The following IRAG1 variants were observed in gnomAD, a reference collection of about 807,000 sequenced individuals.
IRAG1 encodes the protein inositol 1,4,5-triphosphate receptor associated 1.
A neutral mutation model predicts 106.2 loss-of-function variants in IRAG1; 62 were observed. That is an observed-to-expected ratio of 0.58 (90% CI 0.48 to 0.72). The LOEUF is 0.72. IRAG1 is among the 30% of genes least tolerant of loss of function. The pLI is 0.00. For synonymous variants in IRAG1, 462 were observed against 443.9 expected (o/e 1.04, Z -0.51); for missense variants, 1,064 against 1,140.7 (o/e 0.93, Z 0.97).
At chr11:10,687,930 C>A in intron 1 of IRAG1, 5 of 394,430 alleles carry the variant, frequency 1.3e-5, no homozygotes, top group Non-Finnish European at 1.7e-5. Context: ...ACAGGTCGAG[C>A]ATTCCAAATC....
intron 2 of IRAG1, among the ~76,000 whole-genome samples, chr11:10,634,395 T>C (rs778598090): frequency 6.6e-6 from 1 of 152,208 alleles, no homozygotes; most frequent in Non-Finnish European, 1.5e-5. Flanking sequence ...CCAACTCACA[T>C]AGTTACCTTT....
intron 3 of IRAG1, among the ~76,000 whole-genome samples, chr11:10,633,323 C>A (rs1468821826): frequency 1.3e-5 from 2 of 152,180 alleles, no homozygotes; most frequent in Non-Finnish European, 2.9e-5. Flanking sequence ...GATTCACCCG[C>A]CTTGGCCTCC....
At position 10,588,237 on chromosome 11, in the gene IRAG1, C is replaced by T. The variant is rs549932315; in HGVS notation, c.2240+3311G>A. On this transcript the variant is annotated intron_variant, in intron 18 of 20. Transcript: ENST00000423302. ...ATCATCATTCCTTGAATACTCCATA[C>T]TTTGTCACATGGACAAAGCCTGGAA... is the stretch of plus-strand genomic sequence containing the variant. Among the ~76,000 whole-genome samples the T allele has an allele frequency of 4.6e-5, 7 of 152,354 alleles. 1 individual carries two copies. In the South Asian group the frequency reaches 1.4e-3, roughly 32 times the overall value.
chr11:10,692,905 A>C (rs866379479), intron 1 of IRAG1, among the ~76,000 whole-genome samples: 1 of 152,212 alleles, frequency 6.6e-6, no homozygotes, highest in Non-Finnish European at 1.5e-5. Context: ...GGAGCCCTGG[A>C]GGTGAGCAGG....
In IRAG1 at chr11:10,677,814, GA is replaced by G. The variant is rs555878382; in HGVS notation, c.67+15721del. Among the ~76,000 whole-genome samples, 28 of 152,266 alleles carry G rather than the reference GA, an allele frequency of 1.8e-4. No individual in the cohort carries two copies. The East Asian group carries it at 5.4e-3, about 29-fold the overall frequency. On this transcript the variant is annotated intron_variant, in intron 1 of 20. Transcript: ENST00000423302. Reference sequence around the variant, plus strand: ...CTTTCTGGCAGGCCCTGCCAACCACGAATCTGCTTTCTGTCCCTGTGGCTTT... The same window carrying G: ...CTTTCTGGCAGGCCCTGCCAACCACGATCTGCTTTCTGTCCCTGTGGCTTT...
intron 15 of IRAG1, 51 bp downstream of exon 15, chr11:10,600,867 T>G (rs1853919856): frequency 6.2e-7 from 1 of 1,609,690 alleles, no homozygotes; most frequent in South Asian, 1.1e-5. Flanking sequence ...CCAAGAGCTC[T>G]TGGAAGTCCA....
chr11:10,655,208 G>A (rs2134942131), intron 1 of IRAG1, among the ~76,000 whole-genome samples: 1 of 152,278 alleles, frequency 6.6e-6, no homozygotes, highest in Admixed American at 6.5e-5. Context: ...AACATGGGAG[G>A]TGACTATTCC....
chr11:10,691,991 T>C (rs532109668), intron 1 of IRAG1, among the ~76,000 whole-genome samples: 102 of 152,352 alleles, frequency 6.7e-4, no homozygotes, highest in Non-Finnish European at 1.3e-3. Flanking sequence ...AGGGGAACAG[T>C]GTTCAATACA....
chr11:10,606,706 G>C (rs184963582), intron 12 of IRAG1, 36 bp downstream of exon 12: 3 of 1,579,366 alleles, frequency 1.9e-6, no homozygotes, highest in South Asian at 1.2e-5. Flanking sequence ...AGTCAAGCAC[G>C]GGCACTAAAT....
At chr11:10,669,082 T>G (rs1306324557) in intron 1 of IRAG1, among the ~76,000 whole-genome samples, 2 of 152,192 alleles carry the variant, frequency 1.3e-5, no homozygotes, top group Non-Finnish European at 2.9e-5. Context: ...GGTCTAATGG[T>G]CCCCATGGTC....
Position 10,652,255 on chromosome 11 carries a change from C to A in IRAG1, c.68-73G>T, listed in dbSNP as rs1196905532. 11 of 1,583,004 alleles carry A rather than the reference C, an allele frequency of 6.9e-6. No individual in the cohort carries two copies. In the South Asian group the frequency reaches 1.3e-4, roughly 18 times the overall value. On this transcript the variant is annotated intron_variant, in intron 1 of 20. Transcript: ENST00000423302. ...CCAAGCTGGGTTCCATTTCCCGGAGCCACAAGCCACAGTGAGAGCCGGCTT... is the reference window on the plus strand; with the variant it reads ...CCAAGCTGGGTTCCATTTCCCGGAGACACAAGCCACAGTGAGAGCCGGCTT...
rs377662550 is a variant in IRAG1, at chr11:10,604,561, G to C, written c.1603-16C>G. ...CAAACACGTTCTGTTGGGAACAAGGGTGTGAGAGAGGTGCTGGGAGGAGTT... is the reference window on the plus strand; with the variant it reads ...CAAACACGTTCTGTTGGGAACAAGGCTGTGAGAGAGGTGCTGGGAGGAGTT... On this transcript the variant is annotated splice_polypyrimidine_tract_variant and intron_variant, in intron 12 of 20. Coordinates refer to ENST00000423302, the MANE Select transcript of IRAG1 (RefSeq NM_130385.4). 1 of 1,613,990 alleles carries C rather than the reference G, an allele frequency of 6.2e-7. No homozygotes were observed. Among genetic ancestry groups the C allele is most frequent in the South Asian group, 1.1e-5 (1 of 91,084 alleles).
intron 2 of IRAG1, among the ~76,000 whole-genome samples, chr11:10,635,517 C>T (rs1040424254): frequency 5.9e-5 from 9 of 152,200 alleles, no homozygotes; most frequent in African/African-American, 1.2e-4. Flanking sequence ...GCCCCACTGG[C>T]GGTGGGAGCT....
At chr11:10,631,627 A>G (rs1178437477) in intron 4 of IRAG1, among the ~76,000 whole-genome samples, 1 of 152,168 alleles carries the variant, frequency 6.6e-6, no homozygotes, top group Non-Finnish European at 1.5e-5. Flanking sequence ...TCTGGGGATG[A>G]GCAGATGACC....
rs1239246992 is a variant in IRAG1 at position 10,594,171 on chromosome 11, C to T, written c.2042G>A (p.Arg681Gln). ...PSEDGVPRTA[R>Q]SMSLTLGKNM... is the part of the protein sequence containing the mutation. ...CTTTCCCAGCGTGAGGGACATGGAC[C>T]GTGCCGTGCGAGGGACCCCATCTTC... is the stretch of plus-strand genomic sequence containing the variant. Residue 681 changes from arginine (R) to glutamine (Q), a missense_variant, in exon 16 of 21, where the codon CGG becomes CAG. Arg to Gln is a conservative substitution (Grantham distance 43). Transcript: ENST00000423302. 2 of 1,610,224 alleles carry T rather than the reference C, an allele frequency of 1.2e-6. No individual in the cohort carries two copies. The highest frequency in any genetic ancestry group is 8.5e-7 in the Non-Finnish European group (1 of 1,178,468).
chr11:10,646,086 T>C (rs1189112362), intron 2 of IRAG1, among the ~76,000 whole-genome samples: 1 of 152,224 alleles, frequency 6.6e-6, no homozygotes, highest in African/African-American at 2.4e-5. Context: ...ATGCTGCTTA[T>C]ACCTTACATT....
intron 1 of IRAG1, among the ~76,000 whole-genome samples, chr11:10,664,451 G>T (rs1859640318): frequency 1.3e-5 from 2 of 152,202 alleles, no homozygotes; most frequent in South Asian, 4.1e-4. Flanking sequence ...GGCCTTGTGG[G>T]GAGTGAAGAG....
rs146353899 is a variant in IRAG1, at chr11:10,628,890, G to C, written c.575-62C>G. On this transcript the variant is annotated intron_variant, in intron 5 of 20. Transcript: ENST00000423302. The surrounding 1 kb of genome is among the most constrained non-coding windows in gnomAD (Gnocchi z 4.1). ...AGGTTTAGGACTTCAACCTGGCAAA[G>C]GCATCCTTTTAGGTATTCCCAGGCC... The C allele has an allele frequency of 2.7e-4, 400 of 1,480,662 alleles. No individual in the cohort carries two copies. In the African/African-American group the frequency reaches 5.1e-3, roughly 19 times the overall value. The allele number at this position is 1,480,662 out of a possible 1,614,324, so 91.7% of individuals were successfully genotyped here.
intron 3 of IRAG1, among the ~76,000 whole-genome samples, chr11:10,632,933 A>G (rs940804078): frequency 2.0e-5 from 3 of 152,212 alleles, no homozygotes; most frequent in African/African-American, 7.2e-5. Context: ...CTGATGATAT[A>G]TGTATATCCA....
Sources: allele counts gnomAD v4.1 joint callset (sites outside exome capture counted in the v4.1 genomes callset), GRCh38; gene constraint gnomAD v4.1.1; non-coding constraint Gnocchi (gnomAD v3.1); transcripts MANE v1.5; gene names NCBI Gene and HGNC (gene_info 2026-07-23, HGNC 2026-07-21).